The following KLF12 variants were observed in gnomAD, a reference collection of about 807,000 sequenced individuals.
KLF12 encodes the protein Krueppel-like factor 12.
KLF12 carries 9 observed loss-of-function variants against 37.8 expected under a neutral mutation model. The observed-to-expected ratio is 0.24, with a 90% CI of 0.14 to 0.42. KLF12 has a LOEUF of 0.42. KLF12 is among the 10% of genes least tolerant of loss of function. The pLI is 1.00. For missense variants in KLF12, 411 were observed against 516.0 expected (o/e 0.80, Z 1.97); for synonymous variants, 208 against 202.1 (o/e 1.03, Z -0.25).
chr13:73,704,226 C>T (rs77735885), intron 7 of KLF12, among the ~76,000 whole-genome samples: 2,035 of 152,256 alleles, frequency 0.013, 34 homozygotes, highest in African/African-American at 0.047. Flanking sequence ...GACTCCTAAG[C>T]AGCTATACCT....
At chr13:73,892,255 A>G (rs1887543894) in intron 3 of KLF12, among the ~76,000 whole-genome samples, 1 of 152,186 alleles carries the variant, frequency 6.6e-6, no homozygotes, top group Non-Finnish European at 1.5e-5. Flanking sequence ...ATAATGGGAC[A>G]ACAATGGAAG....
At chr13:73,720,327 A>G (rs1270041305) in intron 6 of KLF12, among the ~76,000 whole-genome samples, 1 of 151,826 alleles carries the variant, frequency 6.6e-6, no homozygotes, top group Non-Finnish European at 1.5e-5. Context: ...GGTATATGCA[A>G]CCTGACTTCT....
chr13:73,782,926 G>A (rs1475979095), intron 5 of KLF12, among the ~76,000 whole-genome samples: 1 of 152,220 alleles, frequency 6.6e-6, no homozygotes, highest in Non-Finnish European at 1.5e-5. Flanking sequence ...AGGACAGGCA[G>A]TTGGATTGAT....
intron 3 of KLF12, among the ~76,000 whole-genome samples, chr13:73,937,941 T>C (rs1157729243): frequency 6.6e-6 from 1 of 152,148 alleles, no homozygotes; most frequent in South Asian, 2.1e-4. Flanking sequence ...ACATTAGCCA[T>C]AACACAGCAA....
the KLF12 span, among the ~76,000 whole-genome samples, chr13:74,199,734 AAAGTTCTCC>A: frequency 6.6e-6 from 1 of 152,188 alleles, no homozygotes; most frequent in Admixed American, 6.5e-5. Flanking sequence ...GATCAGATAG[AAAGTTCTCC>A]AAGTCATGGG....
At chr13:74,218,757 C>G in the KLF12 span, among the ~76,000 whole-genome samples, 3 of 152,076 alleles carry the variant, frequency 2.0e-5, no homozygotes, top group Admixed American at 1.3e-4. Context: ...ATGATGTTAG[C>G]TGGATAAATA....
At chr13:73,709,896 A>C (rs1258348241) in intron 7 of KLF12, among the ~76,000 whole-genome samples, 1 of 152,194 alleles carries the variant, frequency 6.6e-6, no homozygotes, top group East Asian at 1.9e-4. Flanking sequence ...ATCCCATTCA[A>C]TACATTCATC....
chr13:74,093,977 AAT>A (rs869030551), intron 1 of KLF12, among the ~76,000 whole-genome samples: 22 of 131,906 alleles, frequency 1.7e-4, no homozygotes, highest in East Asian at 8.3e-4. Flanking sequence ...CAAAAAAAAA[AAT>A]ACAATAGCTA....
At chr13:73,742,197 G>A (rs892965016) in intron 6 of KLF12, among the ~76,000 whole-genome samples, 18 of 152,192 alleles carry the variant, frequency 1.2e-4, no homozygotes, top group African/African-American at 4.3e-4. Context: ...TTACATTTTA[G>A]ATTCTTGTAT....
intron 1 of KLF12, among the ~76,000 whole-genome samples, chr13:74,125,151 A>AAAG (rs1439852309): frequency 1.3e-5 from 2 of 150,290 alleles, no homozygotes; most frequent in African/African-American, 2.4e-5. Flanking sequence ...TTTCAAAAAA[A>AAAG]AAAATATATA....
chr13:73,997,930 C>G (rs899453803), intron 1 of KLF12, among the ~76,000 whole-genome samples: 5 of 152,110 alleles, frequency 3.3e-5, no homozygotes, highest in African/African-American at 1.2e-4. Context: ...CTGCCTGGAA[C>G]CATGGGTAAA....
At chr13:74,269,723 T>C in the KLF12 span, among the ~76,000 whole-genome samples, 1 of 152,212 alleles carries the variant, frequency 6.6e-6, no homozygotes, top group Non-Finnish European at 1.5e-5. Context: ...AATTCTATTA[T>C]TTCAAGCAAG....
chr13:73,974,195 A>C (rs756512198), intron 2 of KLF12, among the ~76,000 whole-genome samples: 1 of 152,106 alleles, frequency 6.6e-6, no homozygotes, highest in Non-Finnish European at 1.5e-5. Context: ...AAGTAAAAAT[A>C]GTATAAACTT....
intron 7 of KLF12, among the ~76,000 whole-genome samples, chr13:73,698,095 C>T (rs138694022): frequency 5.9e-5 from 9 of 151,354 alleles, no homozygotes; most frequent in South Asian, 2.1e-4. Flanking sequence ...AGTTTAAGGC[C>T]GCAGTGAGCT....
chr13:74,134,226 C>T (rs1321803600), upstream of KLF12, among the ~76,000 whole-genome samples: 1 of 151,882 alleles, frequency 6.6e-6, no homozygotes, highest in Non-Finnish European at 1.5e-5. Context: ...AACAAAAGAG[C>T]TCCGGGTCCT....
At chr13:73,831,449 T>C (rs977886817) in intron 4 of KLF12, among the ~76,000 whole-genome samples, 5 of 152,182 alleles carry the variant, frequency 3.3e-5, no homozygotes, top group Non-Finnish European at 5.9e-5. Context: ...TTTTAATAAA[T>C]ATATTTACAA....
chr13:74,084,279 A>G (rs955733730), intron 1 of KLF12, among the ~76,000 whole-genome samples: 1 of 152,194 alleles, frequency 6.6e-6, no homozygotes, highest in Non-Finnish European at 1.5e-5. Context: ...CCATTTCAGA[A>G]AAGTGTCAAC....
At chr13:74,221,292 C>T in the KLF12 span, among the ~76,000 whole-genome samples, 12 of 152,290 alleles carry the variant, frequency 7.9e-5, no homozygotes, top group African/African-American at 2.9e-4. Flanking sequence ...AGGCGTGAGC[C>T]ACCGCGCCCA....
the KLF12 span, among the ~76,000 whole-genome samples, chr13:74,196,680 C>T: frequency 2.0e-5 from 3 of 152,116 alleles, no homozygotes; most frequent in Non-Finnish European, 2.9e-5. Flanking sequence ...CTTTAACCAG[C>T]CCAGTGGTAC....
Sources: gnomAD v4.1 joint callset for allele counts (sites outside exome capture counted in the v4.1 genomes callset) on GRCh38, gnomAD v4.1.1 for gene constraint, MANE v1.5 for transcripts, NCBI Gene and HGNC (gene_info 2026-07-23, HGNC 2026-07-21) for gene names.